Variants in CABLES1 observed in about 807,000 individuals in gnomAD.
The protein encoded by CABLES1 is Cdk5 and Abl enzyme substrate 1, also known as CDK5 and ABL1 enzyme substrate 1.
A neutral mutation model predicts 57.8 loss-of-function variants in CABLES1; 36 were observed. The observed-to-expected ratio is 0.62, with a 90% CI of 0.48 to 0.82. The LOEUF (loss-of-function observed/expected upper bound fraction) is 0.82, where lower values mean the gene tolerates loss of function less well. CABLES1 is among the 40% of genes least tolerant of loss of function. CABLES1 has a pLI of 0.00. For synonymous variants in CABLES1, 374 were observed against 363.0 expected, an observed-to-expected ratio of 1.03 and a Z score of -0.35; for missense variants, 767 against 836.6, an observed-to-expected ratio of 0.92 and a Z score of 1.03.
chr18:23,206,798 C>G (rs2047366944), intron 3 of CABLES1, among the ~76,000 whole-genome samples: 1 of 148,572 alleles, frequency 6.7e-6, no homozygotes, highest in Non-Finnish European at 1.5e-5. Flanking sequence ...TTCATTTTCA[C>G]ATTCTTTAGT....
intron 3 of CABLES1, among the ~76,000 whole-genome samples, chr18:23,203,658 G>A (rs1463163447): frequency 6.6e-6 from 1 of 152,076 alleles, no homozygotes; most frequent in African/African-American, 2.4e-5. Flanking sequence ...CCAAGCTGTC[G>A]GCCTAATTTA....
intron 4 of CABLES1, among the ~76,000 whole-genome samples, chr18:23,228,475 C>T (rs558469468): frequency 1.3e-5 from 2 of 152,214 alleles, no homozygotes; most frequent in African/African-American, 4.8e-5. Context: ...CCAGGGGTTT[C>T]TAACAGTGAA....
In CABLES1 at chr18:23,216,771, C is replaced by T. The variant is rs755642168; in HGVS notation, c.1088+2717C>T. Among the ~76,000 whole-genome samples the T allele has an allele frequency of 2.4e-4, 36 of 152,278 alleles. 1 individual carries two copies. Among genetic ancestry groups the T allele is most frequent in the Admixed American group, 3.9e-4 (6 of 15,302 alleles). On this transcript the variant is annotated intron_variant, in intron 4 of 9. Coordinates refer to ENST00000256925, the MANE Select transcript of CABLES1 (RefSeq NM_001100619.3). The stretch of plus-strand genomic sequence containing the variant: ...TCCACTGGACATCCTTGTGGATATG[C>T]GTGGCCCTCCACTCTTCAACATCTC...
intron 7 of CABLES1, among the ~76,000 whole-genome samples, chr18:23,248,187 TGGCGCA>T (rs1218990991): frequency 6.6e-6 from 1 of 152,180 alleles, no homozygotes; most frequent in African/African-American, 2.4e-5. Context: ...TCAGGGAGTG[TGGCGCA>T]GGGGCAGGGG....
intron 3 of CABLES1, among the ~76,000 whole-genome samples, chr18:23,202,782 C>T (rs1462886270): frequency 1.3e-5 from 2 of 151,932 alleles, no homozygotes; most frequent in South Asian, 2.1e-4. Context: ...GTCAGGAGAT[C>T]GAGACCATCC....
At chr18:23,202,078 C>T (rs1271206096) in intron 3 of CABLES1, among the ~76,000 whole-genome samples, 1 of 151,458 alleles carries the variant, frequency 6.6e-6, no homozygotes, top group Admixed American at 6.6e-5. Flanking sequence ...GAGATGAGCT[C>T]TGATAAGTTG....
intron 4 of CABLES1, among the ~76,000 whole-genome samples, chr18:23,231,701 G>A (rs1056658515): frequency 6.6e-6 from 1 of 151,938 alleles, no homozygotes; most frequent in Admixed American, 6.6e-5. Flanking sequence ...AAGAATCCCT[G>A]TTTCTTTAAA....
chr18:23,255,894 T>TATAAAATTGTAACAGATATG (rs2048153610), intron 9 of CABLES1, among the ~76,000 whole-genome samples: 1 of 151,932 alleles, frequency 6.6e-6, no homozygotes, highest in African/African-American at 2.4e-5. Context: ...TAACAGATAT[T>TATAAAATTGTAACAGATATG]TATAAAATTA....
chr18:23,178,366 G>A (rs571810483), intron 1 of CABLES1, among the ~76,000 whole-genome samples: 4 of 151,120 alleles, frequency 2.6e-5, no homozygotes, highest in Admixed American at 2.0e-4. Flanking sequence ...CTGAGCCAGC[G>A]ACCCTGGGCT....
rs1312484381 is a variant in CABLES1 at position 23,213,977 on chromosome 18, A to G, written c.1011A>G (p.Arg337=). Residue 337 remains arginine, a splice_region_variant and synonymous_variant, in exon 4 of 10, where the codon AGA becomes AGG. Coordinates refer to ENST00000256925, the MANE Select transcript of CABLES1 (RefSeq NM_001100619.3). Reference sequence around the variant, plus strand: ...GTTTGTTCTTCTTTTTATTTTTTAGAATAGTCCTTATCAGTGGCAGAAGAT... The same window carrying G: ...GTTTGTTCTTCTTTTTATTTTTTAGGATAGTCCTTATCAGTGGCAGAAGAT... The part of the protein sequence containing the change: ...NMRQHDTRNG[R]IVLISGRRSF... 4 of 1,589,976 alleles carry G rather than the reference A, an allele frequency of 2.5e-6. No homozygotes were observed. Among genetic ancestry groups the G allele is most frequent in the East Asian group, 2.2e-5 (1 of 44,744 alleles).
At chr18:23,221,738 AG>A (rs765386190) in intron 4 of CABLES1, among the ~76,000 whole-genome samples, 2 of 152,170 alleles carry the variant, frequency 1.3e-5, no homozygotes, top group South Asian at 4.1e-4. Context: ...AGCAGAACCT[AG>A]GCCCCCTGTG....
At chr18:23,177,317 A>C (rs2047130835) in intron 1 of CABLES1, among the ~76,000 whole-genome samples, 1 of 151,074 alleles carries the variant, frequency 6.6e-6, no homozygotes, top group Non-Finnish European at 1.5e-5. Flanking sequence ...GGCCCCCTGC[A>C]CCACACACTT....
intron 1 of CABLES1, among the ~76,000 whole-genome samples, chr18:23,176,501 G>A (rs2144998125): frequency 6.6e-6 from 1 of 152,246 alleles, no homozygotes; most frequent in Middle Eastern, 3.4e-3. Flanking sequence ...GGGGACCCCT[G>A]CCTTATGCCA....
chr18:23,247,675 G>A lies in CABLES1; in HGVS notation c.1447-5285G>A, dbSNP rs1330440662. Among the ~76,000 whole-genome samples, 4 of 152,352 alleles carry A rather than the reference G, an allele frequency of 2.6e-5. No homozygotes were observed. In the East Asian group the frequency reaches 5.8e-4, roughly 22 times the overall value. ...CCGCCGGGCACCATGTGTCAGAGCT[G>A]GAGTTTGAATCCAGGACTCTGGCTC... On this transcript the variant is annotated intron_variant, in intron 7 of 9. Transcript: ENST00000256925.
chr18:23,150,214 T>TGTTTTTTTTGTTTTTGTTTTTG (rs1568043737), intron 1 of CABLES1, among the ~76,000 whole-genome samples: 1 of 143,254 alleles, frequency 7.0e-6, no homozygotes, highest in Non-Finnish European at 1.5e-5. Flanking sequence ...TTTGTTTTTT[T>TGTTTTTTTTGTTTTTGTTTTTG]TTTTTTTTTT....
chr18:23,239,220 G>A (rs747431423), intron 7 of CABLES1, among the ~76,000 whole-genome samples: 62 of 152,206 alleles, frequency 4.1e-4, no homozygotes, highest in Non-Finnish European at 5.0e-4. Flanking sequence ...CAGCATGTAT[G>A]TCCTGCCCTC....
chr18:23,259,203 T>C lies in CABLES1; in HGVS notation c.*1836T>C, dbSNP rs531683071. The C allele has an allele frequency of 6.6e-6, 1 of 152,382 alleles. No individual in the cohort carries two copies. Among genetic ancestry groups the C allele is most frequent in the Non-Finnish European group, 1.5e-5 (1 of 68,062 alleles). 9.4% of individuals were successfully genotyped at this position (152,382 alleles called of 1,614,324 possible). On this transcript the variant is annotated 3_prime_UTR_variant, in exon 10 of 10. Coordinates refer to ENST00000256925, the MANE Select transcript of CABLES1 (RefSeq NM_001100619.3). ...TTGCATCTCTGATAAGCCATCCACCTTCCTGGTCAGTGCCTACAGGGGGAG... is the reference window on the plus strand; with the variant it reads ...TTGCATCTCTGATAAGCCATCCACCCTCCTGGTCAGTGCCTACAGGGGGAG...
At position 23,237,230 on chromosome 18, in the gene CABLES1, C is replaced by A; in HGVS notation, c.1431C>A (p.Ile477=). 1 of 1,609,464 alleles carries A rather than the reference C, an allele frequency of 6.2e-7. No homozygotes were observed. The highest frequency in any genetic ancestry group is 8.5e-7 in the Non-Finnish European group (1 of 1,175,710). ...WPCGKHKRVL[I]FPSYMTTVID... is the part of the protein sequence containing the mutation. ...GTGGCAAACACAAACGCGTTCTGAT[C>A]TTCCCTTCCTACATGGTGAGTAGCG... Residue 477 remains isoleucine, a synonymous_variant, in exon 7 of 10, where the codon ATC becomes ATA. Coordinates refer to ENST00000256925, the MANE Select transcript of CABLES1 (RefSeq NM_001100619.3).
At chr18:23,226,402 A>C (rs1466821375) in intron 4 of CABLES1, among the ~76,000 whole-genome samples, 249 of 13,130 alleles carry the variant, frequency 0.019, no homozygotes, top group Non-Finnish European at 0.035. Context: ...ACTTCATCTC[A>C]AAAAAAAAAA....
Sources: gnomAD v4.1 joint callset for allele counts (sites outside exome capture counted in the v4.1 genomes callset) on GRCh38, gnomAD v4.1.1 for gene constraint, MANE v1.5 for transcripts, NCBI Gene and HGNC (gene_info 2026-07-23, HGNC 2026-07-21) for gene names.